Variants in CNTNAP3B observed in about 807,000 individuals in gnomAD.
The protein encoded by CNTNAP3B is contactin-associated protein-like 3B.
In CNTNAP3B, 25 loss-of-function variants were observed where a neutral mutation model predicts 108.9. That is an observed-to-expected ratio of 0.23 (90% CI 0.17 to 0.32). The LOEUF is 0.32. CNTNAP3B is among the 10% of genes least tolerant of loss of function. CNTNAP3B has a pLI of 1.00. For synonymous variants in CNTNAP3B, 103 were observed against 473.4 expected, an observed-to-expected ratio of 0.22 and a Z score of 10.16; for missense variants, 252 against 1,210.4, an observed-to-expected ratio of 0.21 and a Z score of 11.75.
At chr9:42,096,751 T>A (rs1373962341) in intron 2 of CNTNAP3B, among the ~76,000 whole-genome samples, 1 of 112,432 alleles carries the variant, frequency 8.9e-6, no homozygotes, top group Admixed American at 9.2e-5. Context: ...GAATGATTCA[T>A]CCCTACATGA....
intron 1 of CNTNAP3B, among the ~76,000 whole-genome samples, chr9:42,111,145 A>G (rs1031574224): frequency 5.8e-5 from 8 of 138,868 alleles, no homozygotes; most frequent in Non-Finnish European, 6.2e-5. Flanking sequence ...ACTGGAAAGG[A>G]CTGGTTCCAG....
chr9:42,053,871 G>A lies in CNTNAP3B; in HGVS notation c.390+22998C>T, dbSNP rs200392129. Among the ~76,000 whole-genome samples, 118 of 145,924 alleles carry A rather than the reference G, an allele frequency of 8.1e-4. No homozygotes were observed. In the East Asian group the frequency reaches 0.02, roughly 25 times the overall value. On this transcript the variant is annotated intron_variant, in intron 3 of 23. Transcript: ENST00000377561. ...GCCATATATTTTGAGACAGCGATGC[G>A]CTGCCTTTCTTCACAAGGTTTACCC...
chr9:41,924,605 G>T (rs1377457388), intron 15 of CNTNAP3B, among the ~76,000 whole-genome samples: 1 of 147,186 alleles, frequency 6.8e-6, no homozygotes, highest in African/African-American at 2.6e-5. Context: ...TTGGAAAAAT[G>T]ACTCCAGAAG....
intron 13 of CNTNAP3B, among the ~76,000 whole-genome samples, 176 bp from the exon 14 acceptor site, chr9:41,938,576 A>C (rs1383711913): frequency 6.6e-6 from 1 of 152,290 alleles, no homozygotes; most frequent in Non-Finnish European, 1.5e-5. Flanking sequence ...AAGCCTAACC[A>C]ATGTTTTTCC....
intron 1 of CNTNAP3B, among the ~76,000 whole-genome samples, chr9:42,127,038 A>T (rs1434203445): frequency 7.2e-6 from 1 of 138,914 alleles, no homozygotes; most frequent in Non-Finnish European, 1.5e-5. Flanking sequence ...CTTGGTATTG[A>T]AGGTGGTATA....
At chr9:41,997,420 G>C (rs955384723) in intron 6 of CNTNAP3B, 148 bp downstream of exon 6, 1 of 1,221,840 alleles carries the variant, frequency 8.2e-7, no homozygotes, top group African/African-American at 1.6e-5. Flanking sequence ...TGACCTATTA[G>C]AAGGCATAAA....
At chr9:41,977,299 T>TA (rs1261522706) in intron 9 of CNTNAP3B, among the ~76,000 whole-genome samples, 1 of 151,488 alleles carries the variant, frequency 6.6e-6, no homozygotes, top group Non-Finnish European at 1.5e-5. Flanking sequence ...TAGTATCACT[T>TA]AAAAAAATGA....
At chr9:41,933,592 C>G (rs1410390270) in intron 14 of CNTNAP3B, among the ~76,000 whole-genome samples, 1 of 152,290 alleles carries the variant, frequency 6.6e-6, no homozygotes, top group African/African-American at 2.4e-5. Flanking sequence ...TATAGAAATT[C>G]AAGTAATTCC....
At position 42,129,124 on chromosome 9, in the gene CNTNAP3B, G is replaced by C. The variant is rs778510826; in HGVS notation, c.-30C>G. On this transcript the variant is annotated 5_prime_UTR_variant, in exon 1 of 24. Transcript: ENST00000377561. The stretch of plus-strand genomic sequence containing the variant: ...ACTTCAGCCAGGCGCCCTGAGACCC[G>C]GGCACGGCGACGGCCGCTCTGCGTC... 1.2e-4 allele frequency: 184 copies of C among 1,540,376 alleles called. No individual in the cohort carries two copies. The highest frequency in any genetic ancestry group is 1.5e-4 in the Non-Finnish European group (171 of 1,138,992).
At chr9:42,103,153 C>G in intron 2 of CNTNAP3B, among the ~76,000 whole-genome samples, 1 of 127,612 alleles carries the variant, frequency 7.8e-6, no homozygotes, top group Non-Finnish European at 1.6e-5. Context: ...CCCCTGTGCC[C>G]AGGCTTAGTC....
chr9:41,935,489 C>A (rs1406627164), intron 14 of CNTNAP3B, among the ~76,000 whole-genome samples: 1 of 152,408 alleles, frequency 6.6e-6, no homozygotes, highest in Non-Finnish European at 1.5e-5. Flanking sequence ...GTTCTTATGT[C>A]TACACCTTAA....
chr9:41,940,144 G>A (rs1824290362), intron 13 of CNTNAP3B, among the ~76,000 whole-genome samples: 2 of 152,398 alleles, frequency 1.3e-5, no homozygotes, highest in African/African-American at 2.4e-5. Flanking sequence ...AATATCATCC[G>A]AATCTCAAAA....
intron 14 of CNTNAP3B, among the ~76,000 whole-genome samples, chr9:41,937,106 T>C (rs1554739545): frequency 0.011 from 1,387 of 129,626 alleles, 24 homozygotes; most frequent in African/African-American, 0.026. Flanking sequence ...ACATTTTTTA[T>C]TTATTAATTT....
chr9:42,082,923 C>T lies in CNTNAP3B; in HGVS notation c.197-5861G>A, dbSNP rs914917033. 3.0e-4 allele frequency among the ~76,000 whole-genome samples: 42 copies of T among 139,210 alleles called. 4 individuals are homozygous for T. The highest frequency in any genetic ancestry group is 5.2e-4 in the Non-Finnish European group (34 of 64,904). The allele number at this position is 139,210 out of a possible 152,430, so 91.3% of individuals were successfully genotyped here. On this transcript the variant is annotated intron_variant, in intron 2 of 23. Coordinates refer to ENST00000377561, the MANE Select transcript of CNTNAP3B (RefSeq NM_001201380.3). The stretch of plus-strand genomic sequence containing the variant: ...GTCAGATTAGATGAGAAAGCAAGAT[C>T]CAACTATATGTTGCCTACAAGAAAC...
intron 14 of CNTNAP3B, among the ~76,000 whole-genome samples, chr9:41,932,776 G>A (rs1246528199): frequency 5.9e-5 from 9 of 152,184 alleles, no homozygotes; most frequent in South Asian, 2.1e-4. Context: ...CCTTGGCCTC[G>A]CAAAGTGCTG....
rs531738106 is a variant in CNTNAP3B at position 42,122,028 on chromosome 9, T to C, written c.85+6982A>G. Among the ~76,000 whole-genome samples the C allele has an allele frequency of 1.6e-3, 221 of 139,930 alleles. 50 individuals carry two copies. Among genetic ancestry groups the C allele is most frequent in the Admixed American group, 3.8e-3 (53 of 14,114 alleles). The allele number at this position is 139,930 out of a possible 152,430, so 91.8% of individuals were successfully genotyped here. On this transcript the variant is annotated intron_variant, in intron 1 of 23. Coordinates refer to ENST00000377561, the MANE Select transcript of CNTNAP3B (RefSeq NM_001201380.3). ...ATATGGATGGGCACAGATGGATGTG[T>C]GCACACGCAGTGGGTTACATGACAA...
chr9:41,922,154 C>T (rs1823686491), intron 17 of CNTNAP3B, among the ~76,000 whole-genome samples: 1 of 136,148 alleles, frequency 7.3e-6, no homozygotes. Context: ...ATGACAATAC[C>T]TAAACATTGA....
rs1828558353 is a variant in CNTNAP3B, at chr9:42,125,841, C to T, written c.85+3169G>A. ...CCGTGTTGTCCAGGCTGGTTTCGAACTCCCGACCTCAAGTGATCCACCCGC... is the reference window on the plus strand; with the variant it reads ...CCGTGTTGTCCAGGCTGGTTTCGAATTCCCGACCTCAAGTGATCCACCCGC... On this transcript the variant is annotated intron_variant, in intron 1 of 23. Coordinates refer to ENST00000377561, the MANE Select transcript of CNTNAP3B (RefSeq NM_001201380.3). Among the ~76,000 whole-genome samples the T allele has an allele frequency of 1.6e-5, 2 of 128,084 alleles. 1 individual carries two copies. The highest frequency in any genetic ancestry group is 6.3e-5 in the African/African-American group (2 of 31,524). 84.0% of individuals were successfully genotyped at this position (128,084 alleles called of 152,430 possible).
intron 15 of CNTNAP3B, among the ~76,000 whole-genome samples, chr9:41,928,506 A>G (rs2117995535): frequency 6.6e-6 from 1 of 152,238 alleles, no homozygotes; most frequent in Non-Finnish European, 1.5e-5. Flanking sequence ...TGCCTACACG[A>G]TTGGCTACAG....
Sources: gnomAD v4.1 joint callset for allele counts (sites outside exome capture counted in the v4.1 genomes callset) on GRCh38, gnomAD v4.1.1 for gene constraint, MANE v1.5 for transcripts, NCBI Gene and HGNC (gene_info 2026-07-23, HGNC 2026-07-21) for gene names.